ZC3H12B: variants seen among roughly 807,000 people sequenced by gnomAD.
ZC3H12B encodes probable ribonuclease ZC3H12B.
In ZC3H12B, 7 loss-of-function variants were observed where a neutral mutation model predicts 43.9. That is an observed-to-expected ratio of 0.16 (90% CI 0.09 to 0.30). The LOEUF is 0.30. Ranked by LOEUF, ZC3H12B falls within the 10% of genes least tolerant of loss-of-function variation. The pLI, the probability that ZC3H12B is intolerant of heterozygous loss-of-function variation, is 1.00. For synonymous variants in ZC3H12B, 222 were observed against 241.7 expected, an observed-to-expected ratio of 0.92 and a Z score of 0.76; for missense variants, 475 against 670.2, an observed-to-expected ratio of 0.71 and a Z score of 3.22.
At chrX:65,223,897 T>C in the ZC3H12B span, among the ~76,000 whole-genome samples, 1 of 112,161 alleles carries the variant, frequency 8.9e-6, no homozygotes, top group Non-Finnish European at 1.9e-5. Flanking sequence ...GAGTGGAAAT[T>C]CCTTAAAGAA....
chrX:65,461,145 A>T (rs2067738544), intron 3 of ZC3H12B, among the ~76,000 whole-genome samples: 1 of 112,222 alleles, frequency 8.9e-6, no homozygotes, highest in Admixed American at 9.5e-5. Flanking sequence ...GCAAATCAAA[A>T]CCACAGTGAG....
chrX:65,260,305 A>T, the ZC3H12B span, among the ~76,000 whole-genome samples: 4 of 111,186 alleles, frequency 3.6e-5, no homozygotes, highest in African/African-American at 1.3e-4. Context: ...TAGCCACCAA[A>T]AAAAAAATAA....
At chrX:65,313,601 G>A in the ZC3H12B span, among the ~76,000 whole-genome samples, 1 of 112,453 alleles carries the variant, frequency 8.9e-6, no homozygotes. Context: ...CAAAGGTTTT[G>A]AAAACTTAAA....
the ZC3H12B span, among the ~76,000 whole-genome samples, chrX:65,244,801 GGTATGTCT>G: frequency 9.5e-6 from 1 of 105,188 alleles, no homozygotes; most frequent in Non-Finnish European, 1.9e-5. Flanking sequence ...GATAAAACAA[GGTATGTCT>G]GTATTGTAGA....
At chrX:65,341,930 T>G in the ZC3H12B span, among the ~76,000 whole-genome samples, 1 of 111,443 alleles carries the variant, frequency 9.0e-6, no homozygotes, top group African/African-American at 3.3e-5. Flanking sequence ...TACCTGAATG[T>G]ATACAAGCTA....
the ZC3H12B span, among the ~76,000 whole-genome samples, chrX:65,219,133 T>C: frequency 9.0e-6 from 1 of 111,614 alleles, no homozygotes; most frequent in Non-Finnish European, 1.9e-5. Flanking sequence ...TAAAGCACCA[T>C]ATCAAGGGAG....
chrX:65,408,818 T>A (rs1353147361), intron 3 of ZC3H12B: 6 of 410,766 alleles, frequency 1.5e-5, no homozygotes, highest in Non-Finnish European at 1.7e-5. Flanking sequence ...CAGGTCACCC[T>A]GGAAGTTTGC....
chrX:65,309,745 C>A, the ZC3H12B span, among the ~76,000 whole-genome samples: 1 of 111,851 alleles, frequency 8.9e-6, no homozygotes. Flanking sequence ...AAGTGAAAAT[C>A]CTCAGTAAAA....
chrX:65,084,784 A>G, the ZC3H12B span, among the ~76,000 whole-genome samples: 2 of 112,874 alleles, frequency 1.8e-5, no homozygotes, highest in African/African-American at 3.2e-5. Context: ...GGAAGTCTGT[A>G]TATTTAAGTG....
the ZC3H12B span, among the ~76,000 whole-genome samples, chrX:65,214,162 G>T: frequency 9.0e-6 from 1 of 111,045 alleles, no homozygotes; most frequent in African/African-American, 3.3e-5. Context: ...AGTGTTAATG[G>T]CTGCTGACTG....
chrX:65,389,664 C>CA (rs2066584115), intron 2 of ZC3H12B, among the ~76,000 whole-genome samples: 1 of 112,666 alleles, frequency 8.9e-6, no homozygotes, highest in Non-Finnish European at 1.9e-5. Flanking sequence ...CAACACTCCC[C>CA]AGTGATATAA....
At chrX:65,495,466 C>T (rs1439987978) in intron 1 of ZC3H12B, among the ~76,000 whole-genome samples, 1 of 111,781 alleles carries the variant, frequency 8.9e-6, no homozygotes, top group Non-Finnish European at 1.9e-5. Flanking sequence ...GGTGAGGAAT[C>T]CAAAGTGAGA....
the ZC3H12B span, among the ~76,000 whole-genome samples, chrX:65,179,636 C>G: frequency 9.0e-6 from 1 of 110,599 alleles, no homozygotes; most frequent in South Asian, 3.8e-4. Flanking sequence ...GTGAAATGGA[C>G]ACAATAAAAA....
chrX:65,225,197 ACAG>A, the ZC3H12B span, among the ~76,000 whole-genome samples: 1 of 111,913 alleles, frequency 8.9e-6, no homozygotes, highest in Non-Finnish European at 1.9e-5. Context: ...GAATGATCAG[ACAG>A]CAGCATTCGC....
At chrX:65,271,512 T>C in the ZC3H12B span, 1 of 112,614 alleles carries the variant, frequency 8.9e-6, no homozygotes, top group Non-Finnish European at 1.9e-5. Flanking sequence ...ATTGTTGATC[T>C]GACTTTGGCA....
chrX:65,386,165 T>C (rs970831899), intron 2 of ZC3H12B, among the ~76,000 whole-genome samples: 1 of 112,128 alleles, frequency 8.9e-6, no homozygotes, highest in Non-Finnish European at 1.9e-5. Flanking sequence ...CCTCATAAAA[T>C]GAATTAGGGA....
chrX:65,248,231 T>C, the ZC3H12B span, among the ~76,000 whole-genome samples: 1 of 110,566 alleles, frequency 9.0e-6, no homozygotes, highest in African/African-American at 3.3e-5. Flanking sequence ...AGTGATGGGG[T>C]TTGGCCATGT....
chrX:65,300,922 C>T, the ZC3H12B span, among the ~76,000 whole-genome samples: 1 of 109,454 alleles, frequency 9.1e-6, no homozygotes, highest in Non-Finnish European at 1.9e-5. Flanking sequence ...AAAAACTTTG[C>T]GAACCATGCA....
the ZC3H12B span, among the ~76,000 whole-genome samples, chrX:65,201,906 C>T: frequency 1.0e-4 from 11 of 105,281 alleles, no homozygotes; most frequent in East Asian, 8.8e-4. Context: ...CTTCTCCCTT[C>T]GCTCAGCTCT....
Sources: gnomAD v4.1 joint callset for allele counts (sites outside exome capture counted in the v4.1 genomes callset) on GRCh38, gnomAD v4.1.1 for gene constraint, MANE v1.5 for transcripts, NCBI Gene and HGNC (gene_info 2026-07-23, HGNC 2026-07-21) for gene names.